Variants in CDC14A observed in about 807,000 individuals in gnomAD.
CDC14A encodes dual specificity protein phosphatase CDC14A.
Under a neutral mutation model 74.4 loss-of-function variants are expected in CDC14A, and 53 were observed. The ratio of observed to expected loss-of-function variants is 0.71; its 90% CI spans 0.57 to 0.89. The LOEUF (loss-of-function observed/expected upper bound fraction) is 0.89, where lower values mean the gene tolerates loss of function less well. Among genes scored for constraint, CDC14A ranks in the 40% least tolerant of loss-of-function variants. The pLI, the probability that CDC14A is intolerant of heterozygous loss-of-function variation, is 0.00. For synonymous variants in CDC14A, 247 were observed against 258.4 expected (o/e 0.96, Z 0.43); for missense variants, 646 against 713.7 (o/e 0.91, Z 1.08).
In CDC14A at chr1:100,508,296, G is replaced by T. The variant is rs543149230; in HGVS notation, c.1755+9034G>T. Among the ~76,000 whole-genome samples the T allele has an allele frequency of 1.8e-3, 271 of 150,184 alleles. No individual in the cohort carries two copies. Among genetic ancestry groups the T allele is most frequent in the South Asian group, 2.9e-3 (14 of 4,764 alleles). ...TTTTATATGTGTGTGTATATATATA[G>T]ATATATATATATATTTTTTTCACTT... On this transcript the variant is annotated intron_variant, in intron 15 of 15. Coordinates refer to ENST00000336454, the MANE Select transcript of CDC14A (RefSeq NM_003672.4). The surrounding 1 kb of genome is among the most constrained non-coding windows in gnomAD (Gnocchi z 4.4).
At chr1:100,460,941 G>T (rs1309852253) in intron 8 of CDC14A, among the ~76,000 whole-genome samples, 4 of 152,186 alleles carry the variant, frequency 2.6e-5, no homozygotes, top group Non-Finnish European at 5.9e-5. Context: ...TTAAGAAAAG[G>T]CTGGAGAACT....
intron 4 of CDC14A, among the ~76,000 whole-genome samples, chr1:100,421,043 G>A (rs981995183): frequency 2.0e-5 from 3 of 152,070 alleles, no homozygotes; most frequent in African/African-American, 7.2e-5. Context: ...AGGACTTCTT[G>A]GCAAAAGTAG....
intron 9 of CDC14A, among the ~76,000 whole-genome samples, chr1:100,464,176 G>A (rs2101230743): frequency 6.6e-6 from 1 of 152,318 alleles, no homozygotes; most frequent in East Asian, 1.9e-4. Context: ...CCAGAGAGAT[G>A]GAAATGAGCA....
At chr1:100,373,850 A>C (rs1185195127) in intron 2 of CDC14A, among the ~76,000 whole-genome samples, 2 of 151,990 alleles carry the variant, frequency 1.3e-5, no homozygotes, top group African/African-American at 4.8e-5. Context: ...CATGTGCACA[A>C]TGTGCAGGTT....
intron 11 of CDC14A, among the ~76,000 whole-genome samples, chr1:100,491,548 C>CTCTCTATATATATA (rs1223420176): frequency 1.0e-4 from 4 of 38,758 alleles, no homozygotes; most frequent in South Asian, 1.5e-3. Flanking sequence ...CTCTCTCTCT[C>CTCTCTATATATATA]TATATATATA....
chr1:100,472,783 A>G (rs1668516582), intron 10 of CDC14A, among the ~76,000 whole-genome samples: 1 of 151,484 alleles, frequency 6.6e-6, no homozygotes. Context: ...TTTTTGGCCT[A>G]TGCATGCCCA....
At chr1:100,367,593 G>A (rs1256298134) in intron 2 of CDC14A, among the ~76,000 whole-genome samples, 2 of 152,112 alleles carry the variant, frequency 1.3e-5, no homozygotes, top group Non-Finnish European at 2.9e-5. Flanking sequence ...TGTAAGTATT[G>A]TATCAAATGA....
At chr1:100,372,285 T>G (rs967419631) in intron 2 of CDC14A, among the ~76,000 whole-genome samples, 4 of 152,210 alleles carry the variant, frequency 2.6e-5, no homozygotes, top group African/African-American at 9.7e-5. Context: ...GGCAATTTCT[T>G]AAAATAAGAC....
chr1:100,381,386 C>T (rs562472146), intron 3 of CDC14A, among the ~76,000 whole-genome samples: 19 of 152,302 alleles, frequency 1.2e-4, no homozygotes, highest in South Asian at 6.2e-4. Flanking sequence ...TGAGTAATTT[C>T]GCACTGTGTT....
At chr1:100,391,628 G>C (rs1013793969) in intron 4 of CDC14A, among the ~76,000 whole-genome samples, 3 of 152,168 alleles carry the variant, frequency 2.0e-5, no homozygotes, top group African/African-American at 7.2e-5. Context: ...GTGCTCCTCT[G>C]AAGCCATGGA....
At chr1:100,510,983 T>C (rs1305871798) in intron 15 of CDC14A, among the ~76,000 whole-genome samples, 1 of 152,226 alleles carries the variant, frequency 6.6e-6, no homozygotes. Flanking sequence ...AACTTCCCTC[T>C]TCTCTGTCTC....
intron 3 of CDC14A, among the ~76,000 whole-genome samples, chr1:100,380,287 G>C (rs1655918435): frequency 6.6e-6 from 1 of 152,170 alleles, no homozygotes; most frequent in African/African-American, 2.4e-5. Flanking sequence ...GACTTGCCCA[G>C]TGCAGCAGGC....
upstream of CDC14A, among the ~76,000 whole-genome samples, chr1:100,350,110 C>T (rs1231629855): frequency 6.6e-6 from 1 of 152,148 alleles, no homozygotes; most frequent in African/African-American, 2.4e-5. Flanking sequence ...TGCCACCATT[C>T]CTGGCTAATT....
rs1294835650 is a variant in CDC14A, at chr1:100,390,610, TGA to T, written c.217-121_217-120del. ...CCTCAAATGCCATAGAAATTAAAGT[TGA>T]AAGTTGTTAAATTTTATGGGTTGTA... On this transcript the variant is annotated intron_variant, in intron 3 of 15. Coordinates refer to ENST00000336454, the MANE Select transcript of CDC14A (RefSeq NM_003672.4). 3 of 631,760 alleles carry T rather than the reference TGA, an allele frequency of 4.7e-6. No homozygotes were observed. In the African/African-American group the frequency reaches 5.5e-5, roughly 12 times the overall value. The allele number at this position is 631,760 out of a possible 1,614,324, so 39.1% of individuals were successfully genotyped here.
upstream of CDC14A, among the ~76,000 whole-genome samples, chr1:100,352,003 T>TGTGTGTGCGCGC (rs1553167114): frequency 1.6e-4 from 20 of 122,852 alleles, no homozygotes; most frequent in African/African-American, 2.5e-4. Flanking sequence ...TGTGTGTGTG[T>TGTGTGTGCGCGC]GCGCGCGCGC....
intron 4 of CDC14A, among the ~76,000 whole-genome samples, chr1:100,395,000 G>A (rs745700877): frequency 2.0e-5 from 3 of 152,044 alleles, no homozygotes; most frequent in Non-Finnish European, 2.9e-5. Flanking sequence ...CTTTACCTTC[G>A]GAGCAGCCAT....
intron 4 of CDC14A, among the ~76,000 whole-genome samples, chr1:100,408,295 AT>A (rs1175907320): frequency 6.6e-6 from 1 of 152,192 alleles, no homozygotes; most frequent in Non-Finnish European, 1.5e-5. Context: ...TATGTACCAC[AT>A]TTTAAATATC....
intron 8 of CDC14A, among the ~76,000 whole-genome samples, chr1:100,457,799 T>C (rs1050272789): frequency 6.6e-6 from 1 of 152,098 alleles, no homozygotes; most frequent in African/African-American, 2.4e-5. Flanking sequence ...AAGTTGTTTA[T>C]CTCTTATTCT....
chr1:100,512,815 A>T (rs1374525471), intron 15 of CDC14A, among the ~76,000 whole-genome samples: 1 of 152,232 alleles, frequency 6.6e-6, no homozygotes, highest in Non-Finnish European at 1.5e-5. Flanking sequence ...ACCTGATTTT[A>T]ACACAAACCT....
Sources: allele counts gnomAD v4.1 joint callset (sites outside exome capture counted in the v4.1 genomes callset), GRCh38; gene constraint gnomAD v4.1.1; non-coding constraint Gnocchi (gnomAD v3.1); transcripts MANE v1.5; gene names NCBI Gene and HGNC (gene_info 2026-07-23, HGNC 2026-07-21).